SLC9A1: variants seen among roughly 807,000 people sequenced by gnomAD.
SLC9A1 encodes solute carrier family 9 member A1, also known as sodium/hydrogen exchanger 1.
Under a neutral mutation model 67.9 loss-of-function variants are expected in SLC9A1, and 22 were observed. The observed-to-expected ratio is 0.32, with a 90% CI of 0.23 to 0.46. The LOEUF (loss-of-function observed/expected upper bound fraction) is 0.46. Ranked by LOEUF, SLC9A1 falls within the 20% of genes least tolerant of loss-of-function variation. The pLI, the probability that SLC9A1 is intolerant of heterozygous loss-of-function variation, is 1.00. For synonymous variants in SLC9A1, 421 were observed against 471.8 expected (o/e 0.89, Z 1.40); for missense variants, 686 against 1,094.8 (o/e 0.63, Z 5.27).
intron 1 of SLC9A1, among the ~76,000 whole-genome samples, chr1:27,147,863 A>G (rs762165533): frequency 1.3e-5 from 2 of 151,690 alleles, no homozygotes; most frequent in African/African-American, 2.4e-5. Context: ...GTGTGGTGGC[A>G]CATGCCTGTA....
chr1:27,105,710 C>T (rs758649593), intron 5 of SLC9A1, 175 bp downstream of exon 5: 12 of 719,990 alleles, frequency 1.7e-5, no homozygotes, highest in African/African-American at 1.2e-4. Context: ...TCTCACTTTA[C>T]GATTGAAGAA....
At chr1:27,115,364 G>T (rs1054852338) in intron 1 of SLC9A1, among the ~76,000 whole-genome samples, 2 of 152,140 alleles carry the variant, frequency 1.3e-5, no homozygotes, top group Non-Finnish European at 2.9e-5. Context: ...ATCAGGTATG[G>T]CCAGAGAACC....
At chr1:27,143,547 A>T (rs1173566105) in intron 1 of SLC9A1, among the ~76,000 whole-genome samples, 3 of 152,086 alleles carry the variant, frequency 2.0e-5, no homozygotes, top group African/African-American at 4.8e-5. Context: ...GCACTGGCCC[A>T]CTCCCAAAGG....
chr1:27,151,132 G>T (rs933273696), intron 1 of SLC9A1, among the ~76,000 whole-genome samples: 1 of 152,168 alleles, frequency 6.6e-6, no homozygotes. Context: ...CCTAAGGAAG[G>T]ACATTGGTGG....
chr1:27,126,421 A>G (rs1394036888), intron 1 of SLC9A1, among the ~76,000 whole-genome samples: 1 of 152,156 alleles, frequency 6.6e-6, no homozygotes, highest in African/African-American at 2.4e-5. Context: ...CACTGGGCGA[A>G]CCACAAGATG....
At chr1:27,117,205 C>T (rs1377639868) in intron 1 of SLC9A1, among the ~76,000 whole-genome samples, 1 of 152,108 alleles carries the variant, frequency 6.6e-6, no homozygotes, top group Non-Finnish European at 1.5e-5. Flanking sequence ...AGGCACAGCG[C>T]AGCGGAGATA....
intron 1 of SLC9A1, among the ~76,000 whole-genome samples, chr1:27,134,303 G>T (rs1273904358): frequency 1.3e-5 from 2 of 152,162 alleles, no homozygotes; most frequent in Non-Finnish European, 2.9e-5. Flanking sequence ...TCACAGATAA[G>T]ATGATGGGGC....
chr1:27,133,069 A>C (rs1436820326), intron 1 of SLC9A1, among the ~76,000 whole-genome samples: 1 of 150,662 alleles, frequency 6.6e-6, no homozygotes, highest in Non-Finnish European at 1.5e-5. Flanking sequence ...TTGTTTCCTG[A>C]TTCTTTTTTT....
intron 2 of SLC9A1, among the ~76,000 whole-genome samples, chr1:27,112,883 C>CA (rs58540104): frequency 0.062 from 2,408 of 39,054 alleles, 55 homozygotes; most frequent in Non-Finnish European, 0.093. Context: ...GACTCCATCT[C>CA]AAAAAAAAAA....
intron 4 of SLC9A1, 120 bp downstream of exon 4, chr1:27,107,528 A>G (rs2083196761): frequency 1.3e-6 from 1 of 745,954 alleles, no homozygotes; most frequent in South Asian, 1.7e-5. Flanking sequence ...TGCACACACC[A>G]CATAGCCTGG....
chr1:27,122,966 G>A (rs886474453), intron 1 of SLC9A1, among the ~76,000 whole-genome samples: 1 of 151,626 alleles, frequency 6.6e-6, no homozygotes, highest in African/African-American at 2.4e-5. Flanking sequence ...GTGCCAGGCA[G>A]TGGGGTGCTT....
intron 1 of SLC9A1, among the ~76,000 whole-genome samples, chr1:27,148,748 T>C (rs2083505652): frequency 6.6e-6 from 1 of 152,114 alleles, no homozygotes; most frequent in Non-Finnish European, 1.5e-5. Context: ...CCTCCTGCCT[T>C]GTAGAGCTAA....
Position 27,100,149 on chromosome 1 carries a change from A to G in SLC9A1, c.*158T>C. 2.0e-6 allele frequency: 1 copy of G among 496,192 alleles called. No individual in the cohort carries two copies. The highest frequency in any genetic ancestry group is 3.9e-5 in the South Asian group (1 of 25,420). 30.7% of individuals were successfully genotyped at this position (496,192 alleles called of 1,614,324 possible). On this transcript the variant is annotated 3_prime_UTR_variant, in exon 12 of 12. Transcript: ENST00000263980. The surrounding 1 kb of genome is among the most constrained non-coding windows in gnomAD (Gnocchi z 5.6). ...GATGCTTCCCGGGAGGCGGCAGGGG[A>G]GGAGCTGTGCTGGGGTGGGGGCTGT...
In SLC9A1 at chr1:27,118,189, G is replaced by A. The variant is rs2124162667; in HGVS notation, c.353-3903C>T. 6.6e-6 allele frequency among the ~76,000 whole-genome samples: 1 copy of A among 152,292 alleles called. No homozygotes were observed. The highest frequency in any genetic ancestry group is 2.4e-5 in the African/African-American group (1 of 41,550). Reference sequence around the variant, plus strand: ...CCCTGGCTTTCCTGTTTTGTCTCTGGCGCTCAGTGAGCTGAAGGAGCTCTA... The same window carrying A: ...CCCTGGCTTTCCTGTTTTGTCTCTGACGCTCAGTGAGCTGAAGGAGCTCTA... On this transcript the variant is annotated intron_variant, in intron 1 of 11. Transcript: ENST00000263980. The surrounding 1 kb of genome is among the most constrained non-coding windows in gnomAD (Gnocchi z 4.3).
At chr1:27,105,864 T>G in intron 5 of SLC9A1, 21 bp downstream of exon 5, 2 of 1,602,902 alleles carry the variant, frequency 1.2e-6, no homozygotes, top group Non-Finnish European at 1.7e-6. Context: ...GGCAAGGGCC[T>G]GCCCTGCCCT....
In SLC9A1 at chr1:27,146,326, C is replaced by A. The variant is rs182982724; in HGVS notation, c.352+7657G>T. On this transcript the variant is annotated intron_variant, in intron 1 of 11. Transcript: ENST00000263980. ...TCCTGTATTTTTCTGCATGCTGCCA[C>A]CTCTGAGAAAGGTTATTTGCTTCAC... 4.1e-3 allele frequency among the ~76,000 whole-genome samples: 627 copies of A among 152,298 alleles called. 3 individuals are homozygous for A. The highest frequency in any genetic ancestry group is 6.5e-3 in the Non-Finnish European group (444 of 68,024).
Position 27,100,995 on chromosome 1 carries a change from A to C in SLC9A1, c.2110+208T>G, listed in dbSNP as rs1268833998. Among the ~76,000 whole-genome samples, 1 of 152,108 alleles carries C rather than the reference A, an allele frequency of 6.6e-6. No individual in the cohort carries two copies. The highest frequency in any genetic ancestry group is 1.5e-5 in the Non-Finnish European group (1 of 68,008). ...TCCTGCCAGGCACCGTGGCTCTCCC[A>C]GCTCCCCACACAGTCCTCGCCCGGA... is the stretch of plus-strand genomic sequence containing the variant. On this transcript the variant is annotated intron_variant, in intron 11 of 11. Coordinates refer to ENST00000263980, the MANE Select transcript of SLC9A1 (RefSeq NM_003047.5). The surrounding 1 kb of genome is among the most constrained non-coding windows in gnomAD (Gnocchi z 5.6).
intron 1 of SLC9A1, among the ~76,000 whole-genome samples, chr1:27,150,284 A>G (rs1359485365): frequency 6.6e-6 from 1 of 152,172 alleles, no homozygotes; most frequent in Non-Finnish European, 1.5e-5. Flanking sequence ...ACCAAAACCA[A>G]AAAAAGCTAT....
In SLC9A1 at chr1:27,124,249, T is replaced by C. The variant is rs79512596; in HGVS notation, c.353-9963A>G. ...TCCATTTCTAGAAACTTTAGAGCCA[T>C]GGGAGAGCTAGATTTTTCTTTCCTC... On this transcript the variant is annotated intron_variant, in intron 1 of 11. Transcript: ENST00000263980. Among the ~76,000 whole-genome samples the C allele has an allele frequency of 7.8e-4, 119 of 152,208 alleles. 2 individuals carry two copies. The East Asian group carries it at 0.021, about 27-fold the overall frequency.
Sources: allele counts gnomAD v4.1 joint callset (sites outside exome capture counted in the v4.1 genomes callset), GRCh38; gene constraint gnomAD v4.1.1; non-coding constraint Gnocchi (gnomAD v3.1); transcripts MANE v1.5; gene names NCBI Gene and HGNC (gene_info 2026-07-23, HGNC 2026-07-21).